The following VANGL1 variants were observed in gnomAD, a reference collection of about 807,000 sequenced individuals.
The protein encoded by VANGL1 is VANGL planar cell polarity protein 1.
A neutral mutation model predicts 48.4 loss-of-function variants in VANGL1; 18 were observed. That is an observed-to-expected ratio of 0.37 (90% CI 0.26 to 0.55). VANGL1 has a LOEUF of 0.55. VANGL1 is among the 20% of genes least tolerant of loss of function. VANGL1 has a pLI of 0.81. For synonymous variants in VANGL1, 257 were observed against 261.8 expected (o/e 0.98, Z 0.18); for missense variants, 667 against 675.8 (o/e 0.99, Z 0.14).
chr1:115,658,663 G>T (rs757360197), intron 2 of VANGL1, among the ~76,000 whole-genome samples: 3 of 152,156 alleles, frequency 2.0e-5, no homozygotes, highest in Admixed American at 2.0e-4. Context: ...TGGCTGTGGG[G>T]GCAGGAGGCT....
chr1:115,642,402 C>T (rs1374049899), intron 1 of VANGL1, among the ~76,000 whole-genome samples: 1 of 152,072 alleles, frequency 6.6e-6, no homozygotes, highest in Non-Finnish European at 1.5e-5. Context: ...CCTCGGACGT[C>T]CCTTTCTCCC....
At chr1:115,667,543 C>T (rs1652838157) in intron 4 of VANGL1, among the ~76,000 whole-genome samples, 1 of 152,200 alleles carries the variant, frequency 6.6e-6, no homozygotes. Context: ...TCCCCTCTTA[C>T]AGTTGAGGTC....
Position 115,695,325 on chromosome 1 carries a change from G to A in VANGL1, c.*3946G>A, listed in dbSNP as rs566672397. Reference sequence around the variant, plus strand: ...AATAGTCCTGCAGCAGAGACCCTGCGATTGTAAAGTGATTTAAGTATTTCT... The same window carrying A: ...AATAGTCCTGCAGCAGAGACCCTGCAATTGTAAAGTGATTTAAGTATTTCT... On this transcript the variant is annotated 3_prime_UTR_variant, in exon 8 of 8. Coordinates refer to ENST00000355485, the MANE Select transcript of VANGL1 (RefSeq NM_138959.3). 4.6e-5 allele frequency: 7 copies of A among 152,732 alleles called. No individual in the cohort carries two copies. Among genetic ancestry groups the A allele is most frequent in the South Asian group, 2.1e-4 (1 of 4,824 alleles). 9.5% of individuals were successfully genotyped at this position (152,732 alleles called of 1,614,324 possible). A position where few individuals can be genotyped will look rare whatever the true frequency, so the allele number is the denominator to read the frequency against.
intron 7 of VANGL1, among the ~76,000 whole-genome samples, chr1:115,686,370 CAAAAAAA>C (rs10667490): frequency 2.9e-5 from 3 of 104,952 alleles, no homozygotes; most frequent in Non-Finnish European, 5.7e-5. Context: ...AGACTCCGTC[CAAAAAAA>C]AAAAAAAAAA....
At chr1:115,642,779 C>G (rs1651785348) in intron 1 of VANGL1, 1 of 152,186 alleles carries the variant, frequency 6.6e-6, no homozygotes, top group Non-Finnish European at 1.5e-5. Context: ...GGTGTCCCTG[C>G]TGGAGGAAAT....
intron 4 of VANGL1, among the ~76,000 whole-genome samples, chr1:115,669,000 A>C (rs933564812): frequency 2.0e-5 from 3 of 152,268 alleles, no homozygotes; most frequent in Non-Finnish European, 2.9e-5. Flanking sequence ...TCAATGTCAC[A>C]GACCCCCACA....
intron 4 of VANGL1, among the ~76,000 whole-genome samples, chr1:115,665,870 G>A (rs188168455): frequency 6.6e-6 from 1 of 152,226 alleles, no homozygotes; most frequent in Admixed American, 6.5e-5. Flanking sequence ...GACACACCAG[G>A]CTGGCTGCCT....
intron 4 of VANGL1, among the ~76,000 whole-genome samples, chr1:115,671,645 C>T (rs562801311): frequency 3.3e-5 from 5 of 152,296 alleles, no homozygotes; most frequent in Admixed American, 6.5e-5. Context: ...TAATTTAAGA[C>T]GTGGAGAGAG....
intron 1 of VANGL1, among the ~76,000 whole-genome samples, chr1:115,645,893 G>A (rs1328536079): frequency 1.3e-5 from 2 of 152,104 alleles, no homozygotes; most frequent in South Asian, 2.1e-4. Flanking sequence ...AATTCAGTGC[G>A]TGTCTCTGTA....
chr1:115,655,186 G>C (rs1359371739), intron 2 of VANGL1, among the ~76,000 whole-genome samples: 1 of 152,216 alleles, frequency 6.6e-6, no homozygotes, highest in East Asian at 1.9e-4. Context: ...AGAGAGAAAG[G>C]ACGGGTCGTG....
chr1:115,652,108 G>A (rs544412252), intron 2 of VANGL1, among the ~76,000 whole-genome samples: 23 of 152,352 alleles, frequency 1.5e-4, no homozygotes, highest in African/African-American at 5.3e-4. Context: ...TTCACCTGAA[G>A]TTGTTGACTC....
At chr1:115,665,118 A>G (rs1652723715) in intron 4 of VANGL1, among the ~76,000 whole-genome samples, 1 of 152,322 alleles carries the variant, frequency 6.6e-6, no homozygotes, top group East Asian at 1.9e-4. Context: ...GAATGCCCCC[A>G]TAATGGCATC....
At position 115,679,807 on chromosome 1, in the gene VANGL1, AG is replaced by A. The variant is rs558074258; in HGVS notation, c.813-2553del. Among the ~76,000 whole-genome samples the A allele has an allele frequency of 9.8e-5, 15 of 152,308 alleles. No homozygotes were observed. The South Asian group carries it at 3.1e-3, about 32-fold the overall frequency. The stretch of plus-strand genomic sequence containing the variant: ...GGGTAATGCTTTTCTGTTGGAATCC[AG>A]GGGCCTAGAGATGTTTCTTTATCAG... On this transcript the variant is annotated intron_variant, in intron 4 of 7. Coordinates refer to ENST00000355485, the MANE Select transcript of VANGL1 (RefSeq NM_138959.3).
At position 115,696,795 on chromosome 1, in the gene VANGL1, T is replaced by A. The variant is rs1355081344; in HGVS notation, c.*5416T>A. The A allele has an allele frequency of 1.3e-5, 2 of 152,176 alleles. No individual in the cohort carries two copies. The highest frequency in any genetic ancestry group is 4.8e-5 in the African/African-American group (2 of 41,448). The allele number at this position is 152,176 out of a possible 1,614,324, so 9.4% of individuals were successfully genotyped here. On this transcript the variant is annotated 3_prime_UTR_variant, in exon 8 of 8. Transcript: ENST00000355485. Reference sequence around the variant, plus strand: ...GCACTGTGAAAAGTTTCTTTCAATATGGCACCAAGACTCTACCATTTATGT... The same window carrying A: ...GCACTGTGAAAAGTTTCTTTCAATAAGGCACCAAGACTCTACCATTTATGT...
At chr1:115,645,814 G>T (rs1651891668) in intron 1 of VANGL1, among the ~76,000 whole-genome samples, 1 of 152,120 alleles carries the variant, frequency 6.6e-6, no homozygotes, top group African/African-American at 2.4e-5. Context: ...TATAAGCATG[G>T]TTGTACCAGA....
At chr1:115,667,236 G>A (rs12134884) in intron 4 of VANGL1, among the ~76,000 whole-genome samples, 63,041 of 151,980 alleles carry the variant, frequency 0.41, 13,786 homozygotes, top group Non-Finnish European at 0.48. Context: ...AGCTATTTTT[G>A]AGAGTTGTCT....
intron 4 of VANGL1, among the ~76,000 whole-genome samples, chr1:115,677,586 G>A (rs1005039855): frequency 1.3e-5 from 2 of 152,210 alleles, no homozygotes; most frequent in Non-Finnish European, 2.9e-5. Flanking sequence ...ACAACTAGGC[G>A]TACCTTCATG....
intron 1 of VANGL1, among the ~76,000 whole-genome samples, chr1:115,645,017 G>A (rs1651864834): frequency 6.6e-6 from 1 of 152,216 alleles, no homozygotes; most frequent in African/African-American, 2.4e-5. Context: ...CCTCACATCA[G>A]TGACCTGCAT....
Position 115,695,144 on chromosome 1 carries a change from A to G in VANGL1, c.*3765A>G, listed in dbSNP as rs1653988410. ...GGACTCTGAAAACAGCAAGAAACAAACAAACAAAGGTCAAGCTCTAAGAAA... is the reference window on the plus strand; with the variant it reads ...GGACTCTGAAAACAGCAAGAAACAAGCAAACAAAGGTCAAGCTCTAAGAAA... On this transcript the variant is annotated 3_prime_UTR_variant, in exon 8 of 8. Coordinates refer to ENST00000355485, the MANE Select transcript of VANGL1 (RefSeq NM_138959.3). The G allele has an allele frequency of 6.6e-6, 1 of 152,318 alleles. No homozygotes were observed. The highest frequency in any genetic ancestry group is 1.5e-5 in the Non-Finnish European group (1 of 68,046). The allele number at this position is 152,318 out of a possible 1,614,324, so 9.4% of individuals were successfully genotyped here. A position where few individuals can be genotyped will look rare whatever the true frequency, so the allele number is the denominator to read the frequency against.
Sources: gnomAD v4.1 joint callset for allele counts (sites outside exome capture counted in the v4.1 genomes callset) on GRCh38, gnomAD v4.1.1 for gene constraint, MANE v1.5 for transcripts, NCBI Gene and HGNC (gene_info 2026-07-23, HGNC 2026-07-21) for gene names.